POU6F2: variants seen among roughly 807,000 people sequenced by gnomAD.
POU6F2 encodes the protein POU domain, class 6, transcription factor 2.
In POU6F2, 31 loss-of-function variants were observed where a neutral mutation model predicts 71.3. The ratio of observed to expected loss-of-function variants is 0.43; its 90% CI spans 0.33 to 0.59. The LOEUF (loss-of-function observed/expected upper bound fraction) is 0.59, where lower values mean the gene tolerates loss of function less well. Ranked by LOEUF, POU6F2 falls within the 20% of genes least tolerant of loss-of-function variation. POU6F2 has a pLI of 0.04. For missense variants in POU6F2, 783 were observed against 856.8 expected (o/e 0.91, Z 1.07); for synonymous variants, 347 against 355.7 (o/e 0.98, Z 0.27).
chr7:39,054,191 A>G (rs6462890), intron 1 of POU6F2, among the ~76,000 whole-genome samples: 85,286 of 151,590 alleles, frequency 0.56, 24,403 homozygotes, highest in East Asian at 0.86. Flanking sequence ...AAACTACCAC[A>G]AGGTACTTTC....
chr7:39,072,169 C>T (rs1790895731), intron 1 of POU6F2, among the ~76,000 whole-genome samples: 3 of 152,148 alleles, frequency 2.0e-5, no homozygotes, highest in African/African-American at 7.2e-5. Flanking sequence ...GAAAACTTTT[C>T]AGGCAAAGTG....
intron 4 of POU6F2, among the ~76,000 whole-genome samples, chr7:39,253,082 G>A (rs1044948313): frequency 1.3e-5 from 2 of 152,162 alleles, no homozygotes; most frequent in Non-Finnish European, 2.9e-5. Flanking sequence ...ATGCATCCAC[G>A]GCTTGCTATT....
At chr7:39,147,900 A>G (rs1792654764) in intron 2 of POU6F2, among the ~76,000 whole-genome samples, 1 of 152,180 alleles carries the variant, frequency 6.6e-6, no homozygotes, top group African/African-American at 2.4e-5. Flanking sequence ...ACTCACTTTT[A>G]TGCAGTCTAT....
At chr7:39,049,971 G>T (rs961207900) in intron 1 of POU6F2, among the ~76,000 whole-genome samples, 3 of 151,748 alleles carry the variant, frequency 2.0e-5, no homozygotes, top group Non-Finnish European at 1.5e-5. Flanking sequence ...CTGTTTCTTT[G>T]CATGTCTCAT....
intron 2 of POU6F2, among the ~76,000 whole-genome samples, chr7:39,185,305 C>T (rs1053936679): frequency 6.6e-6 from 1 of 152,144 alleles, no homozygotes. Context: ...CTAATCAGAT[C>T]CAGGACAGCG....
At chr7:39,044,545 GAT>G (rs1351734479) in intron 1 of POU6F2, among the ~76,000 whole-genome samples, 1 of 151,944 alleles carries the variant, frequency 6.6e-6, no homozygotes, top group East Asian at 1.9e-4. Flanking sequence ...TTCTGAGACT[GAT>G]AGATTTATAA....
intron 4 of POU6F2, among the ~76,000 whole-genome samples, chr7:39,314,168 A>G (rs1785218863): frequency 6.6e-6 from 1 of 152,150 alleles, no homozygotes; most frequent in African/African-American, 2.4e-5. Context: ...CCCAGTTCCT[A>G]CTGGCTGCAC....
intron 1 of POU6F2, among the ~76,000 whole-genome samples, chr7:39,042,760 G>A (rs892516599): frequency 6.6e-6 from 1 of 151,962 alleles, no homozygotes; most frequent in African/African-American, 2.4e-5. Context: ...ATCAGAGTCT[G>A]CTGGAGACCC....
intron 2 of POU6F2, among the ~76,000 whole-genome samples, chr7:39,115,537 GC>G (rs1019327589): frequency 6.6e-6 from 1 of 152,100 alleles, no homozygotes; most frequent in African/African-American, 2.4e-5. Context: ...TTTAAAGCCA[GC>G]CCAGGTCTTG....
At chr7:39,201,177 T>A (rs1793894852) in intron 2 of POU6F2, among the ~76,000 whole-genome samples, 2 of 152,252 alleles carry the variant, frequency 1.3e-5, no homozygotes, top group South Asian at 4.1e-4. Flanking sequence ...AGAGGGGTAC[T>A]GTTGTTATCC....
At chr7:39,446,917 T>G (rs780776093) in intron 7 of POU6F2, among the ~76,000 whole-genome samples, 2 of 152,278 alleles carry the variant, frequency 1.3e-5, no homozygotes, top group Admixed American at 6.5e-5. Context: ...GGAGAGAAAC[T>G]CAAGCTCCTT....
chr7:39,467,877 T>C lies in POU6F2; in HGVS notation c.*3191T>C, dbSNP rs1182557475. 1 of 152,164 alleles carries C rather than the reference T, an allele frequency of 6.6e-6. No individual in the cohort carries two copies. Among genetic ancestry groups the C allele is most frequent in the Non-Finnish European group, 1.5e-5 (1 of 68,032 alleles). 9.4% of individuals were successfully genotyped at this position (152,164 alleles called of 1,614,324 possible). The stretch of plus-strand genomic sequence containing the variant: ...TCTACGCTGGACCAAAGCTCAATAT[T>C]TGTAGGTATATGCACATTGTATAGA... On this transcript the variant is annotated 3_prime_UTR_variant, in exon 10 of 10. Coordinates refer to ENST00000518318, the MANE Select transcript of POU6F2 (RefSeq NM_001370959.1).
At chr7:39,181,693 C>T (rs546947600) in intron 2 of POU6F2, among the ~76,000 whole-genome samples, 44 of 152,296 alleles carry the variant, frequency 2.9e-4, no homozygotes, top group Non-Finnish European at 4.6e-4. Flanking sequence ...CTGTCTAAAA[C>T]GTCACAACCA....
chr7:39,054,946 G>C (rs1472964812), intron 1 of POU6F2, among the ~76,000 whole-genome samples: 2 of 151,972 alleles, frequency 1.3e-5, no homozygotes, highest in South Asian at 2.1e-4. Flanking sequence ...CTCAAGATAA[G>C]AAAAAGCCAC....
intron 4 of POU6F2, among the ~76,000 whole-genome samples, chr7:39,238,842 T>C (rs1214686339): frequency 1.3e-5 from 2 of 152,128 alleles, no homozygotes; most frequent in African/African-American, 4.8e-5. Flanking sequence ...ATTTGTGCAG[T>C]CAAAGAGTAC....
intron 6 of POU6F2, among the ~76,000 whole-genome samples, chr7:39,414,626 C>G (rs1196507069): frequency 6.6e-6 from 1 of 152,182 alleles, no homozygotes; most frequent in Non-Finnish European, 1.5e-5. Context: ...GACGTCAGGG[C>G]CCCAGCAGAA....
chr7:39,028,215 C>G (rs1789859460), intron 1 of POU6F2, among the ~76,000 whole-genome samples: 1 of 151,970 alleles, frequency 6.6e-6, no homozygotes, highest in Admixed American at 6.6e-5. Flanking sequence ...GAACACCAGT[C>G]TTTTGTCAGT....
chr7:39,018,940 A>T (rs73363516), intron 1 of POU6F2, among the ~76,000 whole-genome samples: 3,655 of 152,144 alleles, frequency 0.024, 151 homozygotes, highest in African/African-American at 0.084. Context: ...ACTCCTTCTG[A>T]TTTCCCTGCC....
At chr7:38,991,922 A>AT (rs1343924450) in intron 1 of POU6F2, among the ~76,000 whole-genome samples, 88 of 151,274 alleles carry the variant, frequency 5.8e-4, no homozygotes, top group African/African-American at 2.0e-3. Context: ...TTCTCTCTCC[A>AT]TACCCCCTCC....
Sources: gnomAD v4.1 joint callset for allele counts (sites outside exome capture counted in the v4.1 genomes callset) on GRCh38, gnomAD v4.1.1 for gene constraint, MANE v1.5 for transcripts, NCBI Gene and HGNC (gene_info 2026-07-23, HGNC 2026-07-21) for gene names.